Variants in CDH4 observed in about 807,000 individuals in gnomAD.
CDH4 encodes the protein cadherin 4.
A neutral mutation model predicts 86.0 loss-of-function variants in CDH4; 33 were observed. That is an observed-to-expected ratio of 0.38 (90% CI 0.29 to 0.51). The LOEUF is 0.51. CDH4 is among the 20% of genes least tolerant of loss of function. The probability of loss-of-function intolerance (pLI) is 0.86; values close to 1 mark genes in which losing one functional copy is unlikely to be tolerated. For synonymous variants in CDH4, 555 were observed against 549.4 expected (o/e 1.01, Z -0.14); for missense variants, 1,114 against 1,307.4 (o/e 0.85, Z 2.28).
intron 2 of CDH4, among the ~76,000 whole-genome samples, chr20:61,702,844 T>G (rs144466684): frequency 6.6e-6 from 1 of 152,196 alleles, no homozygotes; most frequent in South Asian, 2.1e-4. Flanking sequence ...TTGATTGAAA[T>G]TTAGAGTTCT....
intron 2 of CDH4, among the ~76,000 whole-genome samples, chr20:61,555,528 A>C (rs940701322): frequency 1.3e-5 from 2 of 152,186 alleles, no homozygotes; most frequent in African/African-American, 4.8e-5. Flanking sequence ...CATGACGATC[A>C]TGCCCCACAC....
chr20:61,621,509 CAG>C (rs1236431421), intron 2 of CDH4, among the ~76,000 whole-genome samples: 1 of 152,170 alleles, frequency 6.6e-6, no homozygotes, highest in Non-Finnish European at 1.5e-5. Flanking sequence ...TGCAGTCAAT[CAG>C]AGTAACAAAG....
At chr20:61,881,983 C>T (rs1003042812) in intron 7 of CDH4, among the ~76,000 whole-genome samples, 8 of 152,216 alleles carry the variant, frequency 5.3e-5, no homozygotes, top group Non-Finnish European at 7.3e-5. Context: ...AGAGACCAGA[C>T]GATAAGGCTA....
chr20:61,852,489 C>T (rs1220816635), intron 5 of CDH4, among the ~76,000 whole-genome samples: 3 of 152,218 alleles, frequency 2.0e-5, no homozygotes, highest in Non-Finnish European at 4.4e-5. Context: ...CCTGGGTGGG[C>T]CTGGGCCTGA....
At chr20:61,817,690 G>A (rs112881458) in intron 4 of CDH4, among the ~76,000 whole-genome samples, 2 of 152,186 alleles carry the variant, frequency 1.3e-5, no homozygotes, top group Non-Finnish European at 2.9e-5. Flanking sequence ...TCCACGGCTA[G>A]CTATGCCGGG....
At chr20:61,638,626 C>A (rs1263773147) in intron 2 of CDH4, among the ~76,000 whole-genome samples, 1 of 152,116 alleles carries the variant, frequency 6.6e-6, no homozygotes, top group Non-Finnish European at 1.5e-5. Context: ...TATAAAGATA[C>A]CTGTCATTCA....
intron 2 of CDH4, among the ~76,000 whole-genome samples, chr20:61,305,607 CCT>C (rs1459901064): frequency 7.9e-5 from 12 of 152,230 alleles, no homozygotes; most frequent in Admixed American, 7.9e-4. Context: ...GGTTCACGAA[CCT>C]CTCTCTTCCC....
At chr20:61,581,024 A>G (rs935045785) in intron 2 of CDH4, among the ~76,000 whole-genome samples, 9 of 152,210 alleles carry the variant, frequency 5.9e-5, no homozygotes, top group African/African-American at 2.2e-4. Flanking sequence ...ATTAATGGAC[A>G]AGGGCACTAT....
intron 2 of CDH4, among the ~76,000 whole-genome samples, chr20:61,687,180 A>G (rs976909572): frequency 1.3e-5 from 2 of 152,362 alleles, no homozygotes; most frequent in Non-Finnish European, 1.5e-5. Flanking sequence ...CACCCTTTCC[A>G]GAAAGCTGCA....
intron 2 of CDH4, among the ~76,000 whole-genome samples, chr20:61,274,974 A>G (rs1305400243): frequency 7.3e-6 from 1 of 137,586 alleles, no homozygotes; most frequent in Non-Finnish European, 1.5e-5. Flanking sequence ...TACCATATGC[A>G]GTTTGGGGGA....
intron 2 of CDH4, among the ~76,000 whole-genome samples, chr20:61,508,119 G>T (rs1006285949): frequency 6.6e-6 from 1 of 152,144 alleles, no homozygotes; most frequent in Admixed American, 6.5e-5. Flanking sequence ...CATGCTTCCC[G>T]TGTCCCTAAA....
At chr20:61,830,590 TC>T (rs1014503631) in intron 4 of CDH4, among the ~76,000 whole-genome samples, 2 of 152,128 alleles carry the variant, frequency 1.3e-5, no homozygotes, top group African/African-American at 4.8e-5. Context: ...CTCCCAGGCC[TC>T]CCCCATGCTG....
At chr20:61,293,996 C>T (rs2084337870) in intron 2 of CDH4, among the ~76,000 whole-genome samples, 1 of 152,086 alleles carries the variant, frequency 6.6e-6, no homozygotes, top group South Asian at 2.1e-4. Context: ...TCGTTTCCTT[C>T]TGTTTCACAG....
intron 7 of CDH4, among the ~76,000 whole-genome samples, chr20:61,890,637 G>A (rs1016334531): frequency 6.6e-6 from 1 of 152,176 alleles, no homozygotes; most frequent in Non-Finnish European, 1.5e-5. Flanking sequence ...GTAGACGGAT[G>A]AGGGAGAAAG....
At chr20:61,300,445 G>A (rs77551213) in intron 2 of CDH4, among the ~76,000 whole-genome samples, 7,615 of 152,186 alleles carry the variant, frequency 0.05, 460 homozygotes, top group African/African-American at 0.14. Flanking sequence ...TCTGCAGCCA[G>A]GCGGCCTCTG....
intron 7 of CDH4, among the ~76,000 whole-genome samples, chr20:61,889,302 ATGGAT>A (rs2122847483): frequency 7.4e-6 from 1 of 134,378 alleles, no homozygotes; most frequent in African/African-American, 2.9e-5. Flanking sequence ...GCATGGATGG[ATGGAT>A]GGATGGATGG....
At chr20:61,300,447 C>T (rs959071797) in intron 2 of CDH4, among the ~76,000 whole-genome samples, 8 of 152,082 alleles carry the variant, frequency 5.3e-5, no homozygotes, top group Admixed American at 1.3e-4. Flanking sequence ...TGCAGCCAGG[C>T]GGCCTCTGGG....
chr20:61,580,098 G>T (rs1728571539), intron 2 of CDH4, among the ~76,000 whole-genome samples: 1 of 150,702 alleles, frequency 6.6e-6, no homozygotes, highest in Non-Finnish European at 1.5e-5. Context: ...TGAAGGCCTG[G>T]ACTTACGGAC....
chr20:61,735,018 G>T (rs1196677976), intron 2 of CDH4, among the ~76,000 whole-genome samples: 1 of 152,174 alleles, frequency 6.6e-6, no homozygotes, highest in Non-Finnish European at 1.5e-5. Context: ...GGCCCCTCCC[G>T]GCAAGCACCA....
Sources: allele counts gnomAD v4.1 joint callset (sites outside exome capture counted in the v4.1 genomes callset), GRCh38; gene constraint gnomAD v4.1.1; transcripts MANE v1.5; gene names NCBI Gene and HGNC (gene_info 2026-07-23, HGNC 2026-07-21).